The following MDGA2 variants were observed in gnomAD, a reference collection of about 807,000 sequenced individuals.
MDGA2 encodes the protein MAM domain-containing glycosylphosphatidylinositol anchor protein 2.
In MDGA2, 40 loss-of-function variants were observed where a neutral mutation model predicts 117.8. The observed-to-expected ratio is 0.34, with a 90% CI of 0.26 to 0.44. MDGA2 has a LOEUF of 0.44. Among genes scored for constraint, MDGA2 ranks in the 20% least tolerant of loss-of-function variants. The probability of loss-of-function intolerance (pLI) is 1.00; values close to 1 mark genes in which losing one functional copy is unlikely to be tolerated. For synonymous variants in MDGA2, 452 were observed against 439.0 expected (o/e 1.03, Z -0.37); for missense variants, 1,123 against 1,250.6 (o/e 0.90, Z 1.54).
At chr14:47,546,893 C>T (rs927538076) in intron 1 of MDGA2, among the ~76,000 whole-genome samples, 18 of 152,104 alleles carry the variant, frequency 1.2e-4, no homozygotes, top group Non-Finnish European at 2.9e-5. Context: ...TAGAACAGTA[C>T]CTGATTCATT....
chr14:47,412,095 C>T (rs976300794), intron 1 of MDGA2, among the ~76,000 whole-genome samples: 1 of 152,012 alleles, frequency 6.6e-6, no homozygotes, highest in African/African-American at 2.4e-5. Context: ...AAAGTGTAGG[C>T]ATCAAAACAC....
intron 4 of MDGA2, among the ~76,000 whole-genome samples, chr14:47,135,054 C>A (rs1435385423): frequency 1.3e-5 from 2 of 151,864 alleles, no homozygotes; most frequent in Non-Finnish European, 2.9e-5. Context: ...AATACTTTTC[C>A]AACATTCCAC....
intron 1 of MDGA2, among the ~76,000 whole-genome samples, chr14:47,634,447 T>C (rs1897291167): frequency 6.6e-6 from 1 of 152,096 alleles, no homozygotes; most frequent in Admixed American, 6.5e-5. Flanking sequence ...TTCTGTGTAA[T>C]ATGCATATTT....
chr14:46,976,618 GCTAT>G (rs1886469370), intron 8 of MDGA2, among the ~76,000 whole-genome samples: 1 of 151,738 alleles, frequency 6.6e-6, no homozygotes, highest in Non-Finnish European at 1.5e-5. Context: ...CCAAAATGAA[GCTAT>G]CATATCCGTT....
intron 5 of MDGA2, among the ~76,000 whole-genome samples, chr14:47,101,906 A>G (rs1880346094): frequency 6.6e-6 from 1 of 152,194 alleles, no homozygotes. Context: ...CCCACTAAAA[A>G]TTATAGTGAT....
At chr14:47,497,690 G>A (rs1035369544) in intron 1 of MDGA2, among the ~76,000 whole-genome samples, 1 of 152,032 alleles carries the variant, frequency 6.6e-6, no homozygotes, top group Non-Finnish European at 1.5e-5. Context: ...TTTAAAAATT[G>A]AACATTACAT....
At chr14:47,172,670 A>G (rs1452082015) in intron 3 of MDGA2, among the ~76,000 whole-genome samples, 2 of 151,982 alleles carry the variant, frequency 1.3e-5, no homozygotes, top group Non-Finnish European at 2.9e-5. Context: ...ATCAAACACC[A>G]AAAGTAGATA....
intron 5 of MDGA2, among the ~76,000 whole-genome samples, chr14:47,123,949 T>TTTG (rs1881775848): frequency 6.6e-6 from 1 of 152,090 alleles, no homozygotes; most frequent in South Asian, 2.1e-4. Context: ...ATTTAAACCT[T>TTTG]ATACTTTTGA....
chr14:47,368,887 G>A (rs1328461949), intron 1 of MDGA2, among the ~76,000 whole-genome samples: 1 of 152,080 alleles, frequency 6.6e-6, no homozygotes, highest in Non-Finnish European at 1.5e-5. Flanking sequence ...AAATCAGCAA[G>A]TGACTTCCAC....
intron 2 of MDGA2, among the ~76,000 whole-genome samples, chr14:47,231,242 C>T (rs10142241): frequency 6.5e-4 from 99 of 152,042 alleles, no homozygotes; most frequent in Non-Finnish European, 1.2e-3. Flanking sequence ...AAGACTTATT[C>T]GGCCAAATTA....
intron 6 of MDGA2, among the ~76,000 whole-genome samples, chr14:47,083,757 A>G (rs1890792380): frequency 6.6e-6 from 1 of 152,090 alleles, no homozygotes; most frequent in Non-Finnish European, 1.5e-5. Flanking sequence ...TCATGCAAAC[A>G]ACCATCAAAA....
At chr14:47,575,839 T>C (rs1896106512) in intron 1 of MDGA2, among the ~76,000 whole-genome samples, 1 of 152,196 alleles carries the variant, frequency 6.6e-6, no homozygotes, top group Non-Finnish European at 1.5e-5. Context: ...ACATAAAATA[T>C]ACATAAAATT....
At chr14:47,238,306 T>G (rs763456768) in intron 2 of MDGA2, among the ~76,000 whole-genome samples, 2 of 152,156 alleles carry the variant, frequency 1.3e-5, no homozygotes, top group Non-Finnish European at 2.9e-5. Context: ...AAATATAACT[T>G]TCATGTGGGC....
chr14:47,664,726 A>C (rs1897910687), intron 1 of MDGA2, among the ~76,000 whole-genome samples: 1 of 152,210 alleles, frequency 6.6e-6, no homozygotes, highest in Non-Finnish European at 1.5e-5. Context: ...GTGGCTGTAC[A>C]TTCGTAAAGA....
chr14:47,447,847 G>A (rs934283680), intron 1 of MDGA2, among the ~76,000 whole-genome samples: 6 of 152,268 alleles, frequency 3.9e-5, no homozygotes, highest in African/African-American at 9.6e-5. Flanking sequence ...ATATCAGGGC[G>A]TTAGGCTCCT....
chr14:47,347,795 CA>C (rs1890791466), intron 1 of MDGA2, among the ~76,000 whole-genome samples: 1 of 151,862 alleles, frequency 6.6e-6, no homozygotes, highest in Non-Finnish European at 1.5e-5. Context: ...TTACGATGTC[CA>C]ATATGTAAAA....
intron 1 of MDGA2, among the ~76,000 whole-genome samples, chr14:47,561,865 G>T (rs188752151): frequency 3.3e-4 from 50 of 152,288 alleles, no homozygotes; most frequent in Non-Finnish European, 5.9e-5. Context: ...CTGTAAATCT[G>T]TCATAGATGG....
intron 9 of MDGA2, among the ~76,000 whole-genome samples, chr14:46,945,294 T>C (rs942476981): frequency 4.6e-5 from 7 of 152,248 alleles, no homozygotes; most frequent in Middle Eastern, 3.4e-3. Context: ...TGTTAGTCTT[T>C]GTTAAGGAGT....
chr14:47,493,823 T>G (rs2138659379), intron 1 of MDGA2, among the ~76,000 whole-genome samples: 1 of 152,292 alleles, frequency 6.6e-6, no homozygotes, highest in African/African-American at 2.4e-5. Flanking sequence ...TCAATAAATA[T>G]AAATTCTAGA....
Sources: allele counts gnomAD v4.1 joint callset (sites outside exome capture counted in the v4.1 genomes callset), GRCh38; gene constraint gnomAD v4.1.1; transcripts MANE v1.5; gene names NCBI Gene and HGNC (gene_info 2026-07-23, HGNC 2026-07-21).